The following ZNF644 variants were observed in gnomAD, a reference collection of about 807,000 sequenced individuals.
ZNF644 encodes zinc finger protein 644.
Under a neutral mutation model 108.0 loss-of-function variants are expected in ZNF644, and 20 were observed. The ratio of observed to expected loss-of-function variants is 0.19; its 90% confidence interval spans 0.13 to 0.27. ZNF644 has a LOEUF of 0.27. Among genes scored for constraint, ZNF644 ranks in the 10% least tolerant of loss-of-function variants. ZNF644 has a pLI of 1.00. For missense variants in ZNF644, 1,338 were observed against 1,548.9 expected, an observed-to-expected ratio of 0.86 and a Z score of 2.29; for synonymous variants, 542 against 539.1, an observed-to-expected ratio of 1.01 and a Z score of -0.08.
chr1:90,976,987 G>T (rs865825728), intron 2 of ZNF644, among the ~76,000 whole-genome samples: 4 of 151,700 alleles, frequency 2.6e-5, no homozygotes, highest in Non-Finnish European at 5.9e-5. Flanking sequence ...GATTTTCTCA[G>T]CTCTTTTTTT....
chr1:91,006,967 T>C (rs1244411248), intron 1 of ZNF644, among the ~76,000 whole-genome samples: 1 of 152,194 alleles, frequency 6.6e-6, no homozygotes, highest in Non-Finnish European at 1.5e-5. Context: ...GAAATAACTT[T>C]CCTTCAGGAT....
intron 1 of ZNF644, among the ~76,000 whole-genome samples, chr1:91,004,702 G>A (rs1431450332): frequency 6.6e-6 from 1 of 152,128 alleles, no homozygotes; most frequent in Non-Finnish European, 1.5e-5. Context: ...CACGAAGGAA[G>A]GAGAGGGAAT....
At chr1:91,001,007 G>T (rs1234671208) in intron 1 of ZNF644, among the ~76,000 whole-genome samples, 1 of 152,116 alleles carries the variant, frequency 6.6e-6, no homozygotes, top group East Asian at 1.9e-4. Context: ...TCCCTGAATA[G>T]ACCAATAACA....
In ZNF644 at chr1:90,940,437, T is replaced by C. The variant is rs1466841730; in HGVS notation, c.917A>G (p.Asp306Gly). ...DVSKITRYTE[D>G]CFSDSNCVPN... ...TACACAATTAGAATCACTAAAGCAA[T>C]CCTCGGTATAACGAGTTATCTTGCT... Residue 306 changes from aspartate to glycine, a missense_variant, in exon 3 of 6, where the codon GAT (aspartate) becomes GGT (glycine). Asp to Gly is a moderately conservative substitution (Grantham distance 94). Transcript: ENST00000337393. 2.5e-6 allele frequency: 4 copies of C among 1,613,516 alleles called. No homozygotes were observed. Among genetic ancestry groups the C allele is most frequent in the Non-Finnish European group, 3.4e-6 (4 of 1,179,898 alleles).
At position 90,954,068 on chromosome 1, in the gene ZNF644, G is replaced by A. The variant is rs971500761; in HGVS notation, c.45-12759C>T. On this transcript the variant is annotated intron_variant, in intron 2 of 5. Transcript: ENST00000337393. ...TCAGAGTGGCAGATGCTGAAGGTTG[G>A]GGTGGCTGTGGCAACTTCTTAAAAT... Among the ~76,000 whole-genome samples the A allele has an allele frequency of 8.5e-5, 13 of 152,194 alleles. No individual in the cohort carries two copies. The East Asian group carries it at 9.7e-4, about 11-fold the overall frequency.
Position 90,939,276 on chromosome 1 carries a change from T to G in ZNF644, c.2078A>C (p.Gln693Pro). 1 of 1,614,092 alleles carries G rather than the reference T, an allele frequency of 6.2e-7. No homozygotes were observed. Among genetic ancestry groups the G allele is most frequent in the Non-Finnish European group, 8.5e-7 (1 of 1,179,950 alleles). The change falls in exon 3 of 6, where the codon CAA (glutamine) becomes CCA (proline). Residue 693 changes from glutamine (Q) to proline (P), a missense_variant. Gln to Pro is a moderately conservative substitution (Grantham distance 76). Coordinates refer to ENST00000337393, the MANE Select transcript of ZNF644 (RefSeq NM_201269.3). ...TTGATTGCACATGTTTACACCTGATTGGGCAATGCTTTTCCGAGCTTTCTG... is the reference window on the plus strand; with the variant it reads ...TTGATTGCACATGTTTACACCTGATGGGGCAATGCTTTTCCGAGCTTTCTG... The part of the protein sequence containing the change: ...RIQKARKSIA[Q>P]SGVNMCNQNS...
At chr1:90,960,837 A>C (rs1654266827) in intron 2 of ZNF644, among the ~76,000 whole-genome samples, 1 of 152,116 alleles carries the variant, frequency 6.6e-6, no homozygotes, top group African/African-American at 2.4e-5. Flanking sequence ...CAAGACTAAC[A>C]ATTTCTCAAC....
chr1:91,008,651 T>C (rs1659663266), intron 1 of ZNF644, among the ~76,000 whole-genome samples: 1 of 152,186 alleles, frequency 6.6e-6, no homozygotes, highest in Non-Finnish European at 1.5e-5. Flanking sequence ...AGATGAAATC[T>C]CTAGGTCCCA....
chr1:90,924,734 T>C (rs1416003884), intron 4 of ZNF644, among the ~76,000 whole-genome samples: 1 of 152,136 alleles, frequency 6.6e-6, no homozygotes, highest in Admixed American at 6.5e-5. Context: ...TAACCAAACA[T>C]GGTATTGATC....
At chr1:90,999,940 A>G (rs1241137758) in intron 1 of ZNF644, among the ~76,000 whole-genome samples, 1 of 152,232 alleles carries the variant, frequency 6.6e-6, no homozygotes, top group African/African-American at 2.4e-5. Flanking sequence ...AGAGACAAAG[A>G]AGGCCATTAC....
At chr1:91,013,113 G>A (rs1015243092) in intron 1 of ZNF644, among the ~76,000 whole-genome samples, 2 of 151,758 alleles carry the variant, frequency 1.3e-5, no homozygotes, top group Admixed American at 6.6e-5. Flanking sequence ...TCACTCTGTC[G>A]CCCAGGTGGG....
intron 1 of ZNF644, among the ~76,000 whole-genome samples, chr1:90,997,350 T>C (rs985401851): frequency 4.6e-5 from 7 of 152,152 alleles, no homozygotes; most frequent in Admixed American, 2.6e-4. Flanking sequence ...ATGAAATCTC[T>C]GTCCAATCAT....
intron 1 of ZNF644, among the ~76,000 whole-genome samples, chr1:90,998,805 A>T (rs1352672349): frequency 1.3e-5 from 2 of 152,220 alleles, no homozygotes; most frequent in Non-Finnish European, 2.9e-5. Flanking sequence ...CCTTGAAAAA[A>T]GACTAGACAA....
At chr1:90,923,269 C>A (rs1394355351) in intron 4 of ZNF644, among the ~76,000 whole-genome samples, 1 of 152,042 alleles carries the variant, frequency 6.6e-6, no homozygotes, top group Non-Finnish European at 1.5e-5. Flanking sequence ...CAAATAGCAG[C>A]CCTGGGACCT....
chr1:90,988,769 C>T (rs1657356371), intron 1 of ZNF644, among the ~76,000 whole-genome samples: 1 of 152,032 alleles, frequency 6.6e-6, no homozygotes, highest in South Asian at 2.1e-4. Context: ...ACAAGGGGGC[C>T]AATACTATAC....
intron 2 of ZNF644, among the ~76,000 whole-genome samples, chr1:90,949,727 G>A (rs1329744613): frequency 6.6e-6 from 1 of 152,202 alleles, no homozygotes; most frequent in African/African-American, 2.4e-5. Flanking sequence ...GGGAGGATGT[G>A]TACAGATTAT....
At chr1:90,971,794 G>A (rs1655508505) in intron 2 of ZNF644, among the ~76,000 whole-genome samples, 1 of 152,112 alleles carries the variant, frequency 6.6e-6, no homozygotes, top group Non-Finnish European at 1.5e-5. Flanking sequence ...AGGAGAAGAG[G>A]TGAGAAGGAG....
intron 2 of ZNF644, among the ~76,000 whole-genome samples, chr1:90,943,805 T>C (rs1009102937): frequency 1.3e-5 from 2 of 152,100 alleles, no homozygotes; most frequent in African/African-American, 2.4e-5. Context: ...TAGGAAAGGG[T>C]GTGCAAATGT....
At chr1:90,991,748 G>A (rs945898453) in intron 1 of ZNF644, among the ~76,000 whole-genome samples, 1 of 152,096 alleles carries the variant, frequency 6.6e-6, no homozygotes, top group Admixed American at 6.5e-5. Flanking sequence ...CAACAGCAAG[G>A]TGGAAATCTG....
Sources: allele counts gnomAD v4.1 joint callset (sites outside exome capture counted in the v4.1 genomes callset), GRCh38; gene constraint gnomAD v4.1.1; transcripts MANE v1.5; gene names NCBI Gene and HGNC (gene_info 2026-07-23, HGNC 2026-07-21).